PALS1: variants seen among roughly 807,000 people sequenced by gnomAD.
PALS1 encodes the protein protein associated with LIN7 1, MAGUK p55 family member.
PALS1 carries 31 observed loss-of-function variants against 78.9 expected under a neutral mutation model. The ratio of observed to expected loss-of-function variants is 0.39; its 90% CI spans 0.30 to 0.53. The LOEUF (loss-of-function observed/expected upper bound fraction) is 0.53, where lower values mean the gene tolerates loss of function less well. PALS1 is among the 20% of genes least tolerant of loss of function. The pLI, the probability that PALS1 is intolerant of heterozygous loss-of-function variation, is 0.67. For synonymous variants in PALS1, 276 were observed against 270.9 expected (o/e 1.02, Z -0.18); for missense variants, 704 against 826.5 (o/e 0.85, Z 1.82).
chr14:67,246,387 C>T (rs898583489), intron 1 of PALS1, among the ~76,000 whole-genome samples: 1 of 152,162 alleles, frequency 6.6e-6, no homozygotes, highest in Non-Finnish European at 1.5e-5. Flanking sequence ...CTCTGTCACC[C>T]AGGCTGGAGT....
At chr14:67,244,867 G>T in intron 1 of PALS1, among the ~76,000 whole-genome samples, 1 of 152,180 alleles carries the variant, frequency 6.6e-6, no homozygotes, top group East Asian at 1.9e-4. Context: ...TTGCTAATCA[G>T]ATGACTTTAG....
intron 1 of PALS1, among the ~76,000 whole-genome samples, chr14:67,248,164 AACTC>A (rs1383505491): frequency 5.9e-5 from 9 of 152,190 alleles, no homozygotes; most frequent in African/African-American, 9.7e-5. Flanking sequence ...TTCTGGGACT[AACTC>A]TGGGGTTATT....
chr14:67,262,832 A>G (rs1221030926), intron 1 of PALS1, among the ~76,000 whole-genome samples: 1 of 152,142 alleles, frequency 6.6e-6, no homozygotes, highest in African/African-American at 2.4e-5. Flanking sequence ...CAACTAGGCC[A>G]TATATATTCT....
chr14:67,244,278 A>C (rs143435361), intron 1 of PALS1, among the ~76,000 whole-genome samples: 309 of 152,324 alleles, frequency 2.0e-3, no homozygotes, highest in African/African-American at 7.0e-3. Flanking sequence ...TATAAGTGGA[A>C]TTGCTGATAA....
At chr14:67,284,974 C>T (rs1309591053) in intron 3 of PALS1, among the ~76,000 whole-genome samples, 2 of 151,646 alleles carry the variant, frequency 1.3e-5, no homozygotes, top group Non-Finnish European at 2.9e-5. Context: ...TGGTCTTGAC[C>T]TCCTGGCCTC....
chr14:67,310,138 T>G (rs1170961375), intron 8 of PALS1, among the ~76,000 whole-genome samples: 1 of 152,142 alleles, frequency 6.6e-6, no homozygotes, highest in African/African-American at 2.4e-5. Context: ...GATTATAAAT[T>G]TGTATAATCT....
intron 1 of PALS1, chr14:67,254,441 A>G (rs2084114846): frequency 6.6e-6 from 1 of 152,190 alleles, no homozygotes; most frequent in African/African-American, 2.4e-5. Flanking sequence ...CTGTCTTGTC[A>G]AAATCAGAGC....
In PALS1 at chr14:67,292,840, A is replaced by G. The variant is rs977066196; in HGVS notation, c.576+121A>G. 8.3e-6 allele frequency: 6 copies of G among 719,610 alleles called. No homozygotes were observed. The African/African-American group carries it at 1.1e-4, about 13-fold the overall frequency. The allele number at this position is 719,610 out of a possible 1,614,324, so 44.6% of individuals were successfully genotyped here. On this transcript the variant is annotated intron_variant, in intron 4 of 14. Transcript: ENST00000261681. ...GTTTGAATTAATTACTGTTAATTAC[A>G]TGTTAATAATGTATTGTGACAGTTT...
chr14:67,272,731 TC>T (rs1567513043), intron 2 of PALS1, among the ~76,000 whole-genome samples: 1 of 152,208 alleles, frequency 6.6e-6, no homozygotes, highest in African/African-American at 2.4e-5. Flanking sequence ...CGATCTTGGC[TC>T]ACTACAACCT....
intron 1 of PALS1, among the ~76,000 whole-genome samples, chr14:67,253,309 G>C (rs1290588565): frequency 1.3e-5 from 2 of 152,168 alleles, no homozygotes; most frequent in East Asian, 1.9e-4. Flanking sequence ...TGTGTGACTT[G>C]GTTGTTATAG....
At chr14:67,249,412 A>C (rs2084033602) in intron 1 of PALS1, among the ~76,000 whole-genome samples, 1 of 152,204 alleles carries the variant, frequency 6.6e-6, no homozygotes, top group Non-Finnish European at 1.5e-5. Context: ...ACCTTGAAAG[A>C]TGATTGAAAA....
rs2085526951 is a variant in PALS1, at chr14:67,335,993, A to G, written c.*3037A>G. 6.6e-6 allele frequency among the ~76,000 whole-genome samples: 1 copy of G among 152,194 alleles called. No individual in the cohort carries two copies. Among genetic ancestry groups the G allele is most frequent in the Non-Finnish European group, 1.5e-5 (1 of 68,032 alleles). ...GATAGTGCCCCCTGTTGGCACAGGT[A>G]TAGGTAGGTCCTGTTTCCTTAATTA... On this transcript the variant is annotated 3_prime_UTR_variant, in exon 15 of 15. Transcript: ENST00000261681.
chr14:67,256,926 A>C (rs1375514411), intron 1 of PALS1, among the ~76,000 whole-genome samples: 1 of 152,176 alleles, frequency 6.6e-6, no homozygotes, highest in Non-Finnish European at 1.5e-5. Flanking sequence ...AATATCTGAC[A>C]GGTCTCATTT....
chr14:67,320,061 TAGA>T (rs774701633), intron 11 of PALS1, among the ~76,000 whole-genome samples, 166 bp from the exon 12 acceptor site: 11 of 152,234 alleles, frequency 7.2e-5, no homozygotes, highest in Admixed American at 1.3e-4. Flanking sequence ...TAAAAATTAA[TAGA>T]AGGAGTATTA....
intron 13 of PALS1, among the ~76,000 whole-genome samples, chr14:67,321,860 G>T (rs1384131343): frequency 1.3e-5 from 2 of 152,092 alleles, no homozygotes; most frequent in African/African-American, 4.8e-5. Flanking sequence ...TATAGTATTG[G>T]TAGTACTTTA....
intron 1 of PALS1, among the ~76,000 whole-genome samples, chr14:67,245,794 T>C (rs2083977967): frequency 6.6e-6 from 1 of 152,122 alleles, no homozygotes; most frequent in Non-Finnish European, 1.5e-5. Flanking sequence ...TCCAAATTAT[T>C]AATTTTTAAA....
intron 13 of PALS1, 64 bp from the exon 14 acceptor site, chr14:67,323,638 C>G: frequency 2.4e-6 from 1 of 416,278 alleles, no homozygotes; most frequent in Non-Finnish European, 4.2e-6. Context: ...ATATATATAT[C>G]AGTATTATTA....
intron 1 of PALS1, among the ~76,000 whole-genome samples, chr14:67,264,809 T>C (rs2084294165): frequency 6.6e-6 from 1 of 152,258 alleles, no homozygotes; most frequent in Admixed American, 6.5e-5. Context: ...TACAGATGTG[T>C]TATATATATG....
chr14:67,308,897 G>A (rs966241515), intron 8 of PALS1, among the ~76,000 whole-genome samples: 1 of 151,750 alleles, frequency 6.6e-6, no homozygotes, highest in Non-Finnish European at 1.5e-5. Flanking sequence ...ACAATATTTT[G>A]GAACATTGGA....
Sources: gnomAD v4.1 joint callset for allele counts (sites outside exome capture counted in the v4.1 genomes callset) on GRCh38, gnomAD v4.1.1 for gene constraint, MANE v1.5 for transcripts, NCBI Gene and HGNC (gene_info 2026-07-23, HGNC 2026-07-21) for gene names.